TCF7L1: variants seen among roughly 807,000 people sequenced by gnomAD.
The protein encoded by TCF7L1 is transcription factor 7 like 1.
In TCF7L1, 18 loss-of-function variants were observed where a neutral mutation model predicts 63.7. The ratio of observed to expected loss-of-function variants is 0.28; its 90% CI spans 0.20 to 0.42. TCF7L1 has a LOEUF of 0.42. TCF7L1 is among the 10% of genes least tolerant of loss of function. TCF7L1 has a pLI of 1.00. For missense variants in TCF7L1, 654 were observed against 779.3 expected, an observed-to-expected ratio of 0.84 and a Z score of 1.91; for synonymous variants, 355 against 340.9, an observed-to-expected ratio of 1.04 and a Z score of -0.46.
At chr2:85,290,187 G>A (rs968402672) in intron 4 of TCF7L1, among the ~76,000 whole-genome samples, 8 of 151,982 alleles carry the variant, frequency 5.3e-5, no homozygotes, top group Middle Eastern at 3.2e-3. Context: ...CACCATGATA[G>A]CCAGGCTGGT....
chr2:85,221,502 C>T (rs1246752703), intron 3 of TCF7L1, among the ~76,000 whole-genome samples: 1 of 152,188 alleles, frequency 6.6e-6, no homozygotes, highest in Non-Finnish European at 1.5e-5. Context: ...ATAGTGCCGA[C>T]ATCTGCTCAG....
chr2:85,172,405 G>C (rs763819188), intron 3 of TCF7L1, among the ~76,000 whole-genome samples: 1 of 152,058 alleles, frequency 6.6e-6, no homozygotes. Flanking sequence ...CACTTGTTCT[G>C]TGCCTCCTTC....
intron 3 of TCF7L1, among the ~76,000 whole-genome samples, chr2:85,245,395 TCTAAGATGG>T (rs1471107362): frequency 1.3e-5 from 2 of 152,092 alleles, no homozygotes; most frequent in Non-Finnish European, 2.9e-5. Flanking sequence ...CCCTCTTCCC[TCTAAGATGG>T]GGTAGGTTGG....
At position 85,245,403 on chromosome 2, in the gene TCF7L1, G is replaced by T. The variant is rs976028138; in HGVS notation, c.442-38092G>T. On this transcript the variant is annotated intron_variant, in intron 3 of 11. Coordinates refer to ENST00000282111, the MANE Select transcript of TCF7L1 (RefSeq NM_031283.3). ...CACCAGTCCCTCTTCCCTCTAAGATGGGGTAGGTTGGCTGACAAGGCTTCC... is the reference window on the plus strand; with the variant it reads ...CACCAGTCCCTCTTCCCTCTAAGATTGGGTAGGTTGGCTGACAAGGCTTCC... Among the ~76,000 whole-genome samples the T allele has an allele frequency of 2.0e-5, 3 of 152,172 alleles. No homozygotes were observed. In the East Asian group the frequency reaches 5.8e-4, roughly 29 times the overall value.
chr2:85,292,084 G>A lies in TCF7L1; in HGVS notation c.525+8506G>A, dbSNP rs1353036968. ...CGCCCAGGCTGGAGTGCAGTGGCAC[G>A]ATCTCGGCTCACTGCAAGCTCCGCC... is the stretch of plus-strand genomic sequence containing the variant. On this transcript the variant is annotated intron_variant, in intron 4 of 11. Coordinates refer to ENST00000282111, the MANE Select transcript of TCF7L1 (RefSeq NM_031283.3). 1.8e-4 allele frequency among the ~76,000 whole-genome samples: 2 copies of A among 11,150 alleles called. 1 individual carries two copies. Among genetic ancestry groups the A allele is most frequent in the Non-Finnish European group, 2.2e-4 (2 of 8,906 alleles). The allele number at this position is 11,150 out of a possible 152,430, so 7.3% of individuals were successfully genotyped here.
intron 3 of TCF7L1, among the ~76,000 whole-genome samples, chr2:85,153,545 G>A (rs1678073334): frequency 6.6e-6 from 1 of 151,938 alleles, no homozygotes; most frequent in Non-Finnish European, 1.5e-5. Context: ...ATTTCACCGT[G>A]TTAGCCAGGT....
chr2:85,209,713 T>C (rs189098830), intron 3 of TCF7L1, among the ~76,000 whole-genome samples: 394 of 152,220 alleles, frequency 2.6e-3, no homozygotes, highest in African/African-American at 8.8e-3. Context: ...TAAGGGGCTG[T>C]CTCCCAGGGG....
intron 6 of TCF7L1, 81 bp downstream of exon 6, chr2:85,304,078 T>G (rs1682049002): frequency 7.9e-7 from 1 of 1,261,946 alleles, no homozygotes; most frequent in South Asian, 1.3e-5. Context: ...CCCTGCACAG[T>G]GGAGCCCCCT....
At chr2:85,189,696 A>G (rs1488575029) in intron 3 of TCF7L1, among the ~76,000 whole-genome samples, 1 of 152,100 alleles carries the variant, frequency 6.6e-6, no homozygotes, top group Non-Finnish European at 1.5e-5. Flanking sequence ...CCAGCTGCCC[A>G]GTGGCTTTTG....
chr2:85,255,279 T>G (rs566803844), intron 3 of TCF7L1, among the ~76,000 whole-genome samples: 6 of 152,144 alleles, frequency 3.9e-5, no homozygotes, highest in Non-Finnish European at 8.8e-5. Flanking sequence ...AGGAGATTTT[T>G]AATACAAATG....
chr2:85,294,556 A>C (rs183467817), intron 4 of TCF7L1, among the ~76,000 whole-genome samples: 1 of 152,288 alleles, frequency 6.6e-6, no homozygotes, highest in Admixed American at 6.5e-5. Context: ...CAGTTTTAGC[A>C]TTGCAAATTG....
intron 3 of TCF7L1, among the ~76,000 whole-genome samples, chr2:85,145,076 A>G (rs1409893993): frequency 6.6e-6 from 1 of 152,038 alleles, no homozygotes; most frequent in African/African-American, 2.4e-5. Context: ...AAAAAAAAAA[A>G]AAAAGAAATC....
At chr2:85,296,866 C>G (rs904969335) in intron 4 of TCF7L1, among the ~76,000 whole-genome samples, 3 of 151,948 alleles carry the variant, frequency 2.0e-5, no homozygotes, top group Non-Finnish European at 4.4e-5. Flanking sequence ...AAGAAGAGAC[C>G]AAACTGAAGG....
intron 11 of TCF7L1, among the ~76,000 whole-genome samples, chr2:85,308,449 TTCCC>T (rs1209804558): frequency 8.4e-5 from 3 of 35,636 alleles, no homozygotes; most frequent in Admixed American, 2.4e-4. Context: ...CCCTTTCTCT[TTCCC>T]TCCCTCTCTT....
chr2:85,263,445 G>T (rs976996095), intron 3 of TCF7L1, among the ~76,000 whole-genome samples: 1 of 152,122 alleles, frequency 6.6e-6, no homozygotes, highest in African/African-American at 2.4e-5. Flanking sequence ...GGGAACAATT[G>T]GAGAGACAGT....
At chr2:85,298,481 CAA>C (rs775849544) in intron 4 of TCF7L1, among the ~76,000 whole-genome samples, 53 of 71,030 alleles carry the variant, frequency 7.5e-4, no homozygotes, top group East Asian at 1.9e-3. Context: ...GACTCTGTCT[CAA>C]AAAAAAAAAA....
chr2:85,309,900 C>T lies in TCF7L1; in HGVS notation c.*438C>T, dbSNP rs140254994. 219 of 160,846 alleles carry T rather than the reference C, an allele frequency of 1.4e-3. 1 individual carries two copies. Among genetic ancestry groups the T allele is most frequent in the African/African-American group, 5.1e-3 (211 of 41,776 alleles). 10.0% of individuals were successfully genotyped at this position (160,846 alleles called of 1,614,324 possible). A position where few individuals can be genotyped will look rare whatever the true frequency, so the allele number is the denominator to read the frequency against. ...CAAGTTTTCATCGTCTGCTCAATAC[C>T]GTGGGTTCTTCTTCGTCCTCTGTCC... is the stretch of plus-strand genomic sequence containing the variant. On this transcript the variant is annotated 3_prime_UTR_variant, in exon 12 of 12. Transcript: ENST00000282111.
At chr2:85,279,004 G>A (rs1466218641) in intron 3 of TCF7L1, among the ~76,000 whole-genome samples, 4 of 152,240 alleles carry the variant, frequency 2.6e-5, no homozygotes, top group Admixed American at 1.3e-4. Flanking sequence ...CAGGAGGGAG[G>A]TGGCTGGACC....
At chr2:85,301,115 T>G (rs1362483010) in intron 4 of TCF7L1, among the ~76,000 whole-genome samples, 1 of 152,140 alleles carries the variant, frequency 6.6e-6, no homozygotes, top group Non-Finnish European at 1.5e-5. Flanking sequence ...CTTCTCCACT[T>G]GTAACTCACT....
Sources: allele counts gnomAD v4.1 joint callset (sites outside exome capture counted in the v4.1 genomes callset), GRCh38; gene constraint gnomAD v4.1.1; transcripts MANE v1.5; gene names NCBI Gene and HGNC (gene_info 2026-07-23, HGNC 2026-07-21).